CSMD3: variants seen among roughly 807,000 people sequenced by gnomAD.
The protein encoded by CSMD3 is CUB and Sushi multiple domains 3, also known as CUB and sushi domain-containing protein 3.
Under a neutral mutation model 435.2 loss-of-function variants are expected in CSMD3, and 177 were observed. The ratio of observed to expected loss-of-function variants is 0.41; its 90% CI spans 0.36 to 0.46. The LOEUF (loss-of-function observed/expected upper bound fraction) is 0.46, where lower values mean the gene tolerates loss of function less well. Among genes scored for constraint, CSMD3 ranks in the 20% least tolerant of loss-of-function variants. CSMD3 has a pLI of 0.34. For missense variants in CSMD3, 4,265 were observed against 4,504.6 expected (o/e 0.95, Z 1.52); for synonymous variants, 1,656 against 1,520.5 (o/e 1.09, Z -2.07).
At chr8:112,510,313 T>C (rs1822975811) in intron 28 of CSMD3, among the ~76,000 whole-genome samples, 1 of 152,234 alleles carries the variant, frequency 6.6e-6, no homozygotes, top group Non-Finnish European at 1.5e-5. Context: ...CCAATTCCCA[T>C]ACAGCCTTCA....
intron 6 of CSMD3, among the ~76,000 whole-genome samples, chr8:112,990,887 A>G (rs1480673391): frequency 1.3e-5 from 2 of 151,860 alleles, no homozygotes; most frequent in African/African-American, 4.8e-5. Flanking sequence ...TCTGAAAACC[A>G]AATGTGTTTC....
At chr8:112,630,847 A>C (rs779475925) in intron 22 of CSMD3, among the ~76,000 whole-genome samples, 5 of 151,998 alleles carry the variant, frequency 3.3e-5, no homozygotes, top group African/African-American at 1.2e-4. Flanking sequence ...GAGGACATCC[A>C]TATGGAGAGG....
At chr8:112,835,588 GT>G (rs2080000548) in intron 11 of CSMD3, among the ~76,000 whole-genome samples, 1 of 151,732 alleles carries the variant, frequency 6.6e-6, no homozygotes. Context: ...ATTATTCATT[GT>G]ATCCAGTGTA....
In CSMD3 at chr8:112,265,487, C is replaced by T. The variant is rs183191388; in HGVS notation, c.9612G>A (p.Thr3204=). Residue 3204 remains threonine, a synonymous_variant, in exon 60 of 71, where the codon ACG becomes ACA. Transcript: ENST00000297405. ...TGATTCTGGAGCCATTCAATTCCAT[C>T]GTGTAGCCTGGCTGGCACATGTAAG... ...NVSYMCQPGY[T]MELNGSRIRT... is the part of the protein sequence containing the mutation. The T allele has an allele frequency of 1.7e-5, 27 of 1,613,712 alleles. No homozygotes were observed. The East Asian group carries it at 5.1e-4, about 31-fold the overall frequency.
Position 112,504,023 on chromosome 8 carries a change from T to C in CSMD3, c.4896-46A>G, listed in dbSNP as rs536652160. ...ACAAAAGAAAGAAAGAGAAGTAGGA[T>C]AATTATTATTAGGCTGTTAACCATA... On this transcript the variant is annotated intron_variant, in intron 29 of 70. Coordinates refer to ENST00000297405, the MANE Select transcript of CSMD3 (RefSeq NM_198123.2). 230 of 1,209,494 alleles carry C rather than the reference T, an allele frequency of 1.9e-4. 1 individual carries two copies. The South Asian group carries it at 2.7e-3, about 14-fold the overall frequency. 74.9% of individuals were successfully genotyped at this position (1,209,494 alleles called of 1,614,324 possible).
At chr8:113,307,394 G>A (rs536801936) in intron 2 of CSMD3, among the ~76,000 whole-genome samples, 1 of 152,122 alleles carries the variant, frequency 6.6e-6, no homozygotes, top group Admixed American at 6.6e-5. Context: ...TCTTCAAGAA[G>A]AATCACAGAT....
intron 32 of CSMD3, among the ~76,000 whole-genome samples, chr8:112,436,140 G>A (rs936520591): frequency 2.0e-5 from 3 of 151,838 alleles, no homozygotes; most frequent in Non-Finnish European, 4.4e-5. Context: ...GAGAAGATTA[G>A]TTACAAAATT....
chr8:112,602,944 T>C (rs1274784817), intron 22 of CSMD3, among the ~76,000 whole-genome samples: 2 of 152,162 alleles, frequency 1.3e-5, no homozygotes, highest in African/African-American at 4.8e-5. Context: ...GACAAAGTCT[T>C]GCTCTGTCAT....
intron 8 of CSMD3, among the ~76,000 whole-genome samples, chr8:112,951,382 T>C (rs2083804400): frequency 1.3e-5 from 2 of 151,866 alleles, no homozygotes; most frequent in African/African-American, 4.8e-5. Flanking sequence ...TGATTTTATA[T>C]AGCACATAAT....
At chr8:112,420,326 C>A (rs1439883545) in intron 32 of CSMD3, among the ~76,000 whole-genome samples, 1 of 152,086 alleles carries the variant, frequency 6.6e-6, no homozygotes, top group Non-Finnish European at 1.5e-5. Flanking sequence ...ACATCATATT[C>A]TTTTTCCATA....
At position 112,571,273 on chromosome 8, in the gene CSMD3, C is replaced by T. The variant is rs139870692; in HGVS notation, c.4042+2228G>A. Among the ~76,000 whole-genome samples, 545 of 152,224 alleles carry T rather than the reference C, an allele frequency of 3.6e-3. 2 individuals carry two copies. The highest frequency in any genetic ancestry group is 0.013 in the African/African-American group (524 of 41,544). On this transcript the variant is annotated intron_variant, in intron 24 of 70. Coordinates refer to ENST00000297405, the MANE Select transcript of CSMD3 (RefSeq NM_198123.2). ...CTGCCTGCCTCAGCCTCCCAAAGTG[C>T]TGGGATTACAGGCGTGAGCCACCAA...
Position 112,337,557 on chromosome 8 carries a change from A to T in CSMD3, c.6827T>A (p.Leu2276His), listed in dbSNP as rs2130964560. The change falls in exon 43 of 71, where the codon CTT (leucine) becomes CAT (histidine). Residue 2276 changes from leucine (L) to histidine (H), a missense_variant. By Grantham distance (99) the Leu-to-His change is moderately conservative (BLOSUM62 -3). This residue lies in a region of CSMD3 where 3,255 missense variants were observed against 3,380.2 expected (regional missense o/e 0.96). Transcript: ENST00000297405. ...TAGAAGCATACCTTCACACCTTGGA[A>T]GTGGATGATTCCAATTACGACTGAC... ...HGVSRNWNHP[L>H]PRCEALCGGN... 1 of 1,613,494 alleles carries T rather than the reference A, an allele frequency of 6.2e-7. No homozygotes were observed. The highest frequency in any genetic ancestry group is 1.7e-5 in the Admixed American group (1 of 60,004).
intron 4 of CSMD3, among the ~76,000 whole-genome samples, chr8:113,169,183 C>A (rs756812561): frequency 3.9e-5 from 6 of 152,076 alleles, no homozygotes; most frequent in Non-Finnish European, 5.9e-5. Flanking sequence ...GTTCTTATTT[C>A]ATCAGTCATT....
chr8:113,260,279 T>C (rs1415870423), intron 3 of CSMD3, among the ~76,000 whole-genome samples: 1 of 152,178 alleles, frequency 6.6e-6, no homozygotes, highest in Admixed American at 6.6e-5. Context: ...TTTCTAATCC[T>C]ATGCCATTCC....
At chr8:113,078,265 C>A (rs1028637491) in intron 5 of CSMD3, among the ~76,000 whole-genome samples, 1 of 152,054 alleles carries the variant, frequency 6.6e-6, no homozygotes, top group Non-Finnish European at 1.5e-5. Context: ...AGGAGATATG[C>A]TATTTATTTA....
chr8:113,104,744 T>C (rs183564619), intron 4 of CSMD3, among the ~76,000 whole-genome samples: 128 of 152,202 alleles, frequency 8.4e-4, no homozygotes, highest in Admixed American at 1.4e-3. Flanking sequence ...TCAGTTCCTT[T>C]CATATTAAAA....
intron 13 of CSMD3, among the ~76,000 whole-genome samples, chr8:112,769,428 A>G (rs980351331): frequency 3.9e-5 from 6 of 151,998 alleles, no homozygotes; most frequent in Non-Finnish European, 8.8e-5. Flanking sequence ...TTGCTGGTCT[A>G]TGGAAACATT....
intron 58 of CSMD3, among the ~76,000 whole-genome samples, 166 bp from the exon 59 acceptor site, chr8:112,281,516 T>A (rs534608177): frequency 1.3e-5 from 2 of 152,216 alleles, no homozygotes; most frequent in African/African-American, 2.4e-5. Context: ...TGAATGTATG[T>A]TGATTTTATT....
chr8:112,958,336 G>T (rs1188867312), intron 7 of CSMD3, among the ~76,000 whole-genome samples: 1 of 152,068 alleles, frequency 6.6e-6, no homozygotes, highest in African/African-American at 2.4e-5. Context: ...TACATGTTCA[G>T]TTTGACTGTT....
Sources: gnomAD v4.1 joint callset for allele counts (sites outside exome capture counted in the v4.1 genomes callset) on GRCh38, gnomAD v4.1.1 for gene constraint, gnomAD v4.1.1 regional missense constraint, MANE v1.5 for transcripts, NCBI Gene and HGNC (gene_info 2026-07-23, HGNC 2026-07-21) for gene names.